Variants in DNASE2B observed in about 807,000 individuals in gnomAD.
The protein encoded by DNASE2B is deoxyribonuclease-2-beta.
DNASE2B carries 43 observed loss-of-function variants against 46.0 expected under a neutral mutation model. The ratio of observed to expected loss-of-function variants is 0.94; its 90% CI spans 0.73 to 1.21. DNASE2B has a LOEUF of 1.21. Among genes scored for constraint, DNASE2B ranks in the 50% most tolerant of loss-of-function variants. The probability of loss-of-function intolerance (pLI) is 0.00; values close to 1 mark genes in which losing one functional copy is unlikely to be tolerated. For missense variants in DNASE2B, 395 were observed against 414.4 expected (o/e 0.95, Z 0.41); for synonymous variants, 156 against 152.5 (o/e 1.02, Z -0.17).
At chr1:84,399,896 G>A (rs1048159445) in intron 1 of DNASE2B, among the ~76,000 whole-genome samples, 4 of 152,158 alleles carry the variant, frequency 2.6e-5, no homozygotes, top group African/African-American at 9.7e-5. Context: ...TATGAGGGCT[G>A]GATGGATGGG....
intron 2 of DNASE2B, among the ~76,000 whole-genome samples, chr1:84,404,594 T>C (rs1175808181): frequency 2.0e-5 from 3 of 152,146 alleles, no homozygotes; most frequent in Non-Finnish European, 4.4e-5. Context: ...GACATTATGT[T>C]TGGGGGCAGG....
chr1:84,401,775 A>C, intron 1 of DNASE2B, 126 bp from the exon 2 acceptor site: 1 of 687,150 alleles, frequency 1.5e-6, no homozygotes, highest in Non-Finnish European at 2.3e-6. Flanking sequence ...GAGCTTGAGC[A>C]AATCCCTTTC....
rs1305749229 is a variant in DNASE2B, at chr1:84,412,440, C to T, written c.639C>T (p.Cys213=). The T allele has an allele frequency of 6.2e-7, 1 of 1,613,944 alleles. No homozygotes were observed. The highest frequency in any genetic ancestry group is 2.2e-5 in the East Asian group (1 of 44,872). ...HQELIHMPQL[C]TRASSSEIPG... ...AGCTCATTCACATGCCCCAGCTGTG[C>T]ACCAGGGCCAGCTCATCAGAGATTC... The change falls in exon 5 of 6, where the codon TGC becomes TGT. Residue 213 remains cysteine (C), a synonymous_variant. Transcript: ENST00000370665.
chr1:84,409,595 A>G (rs1680552984), intron 3 of DNASE2B, among the ~76,000 whole-genome samples: 1 of 152,200 alleles, frequency 6.6e-6, no homozygotes, highest in Non-Finnish European at 1.5e-5. Flanking sequence ...ATGAACTTTG[A>G]AAGCTTTTTA....
intron 3 of DNASE2B, 102 bp downstream of exon 3, chr1:84,408,620 T>C: frequency 1.1e-6 from 1 of 870,286 alleles, no homozygotes; most frequent in Non-Finnish European, 1.6e-6. Flanking sequence ...TAGATAGCCT[T>C]TCTTCTTAAT....
At chr1:84,410,549 T>C (rs1312086026) in intron 3 of DNASE2B, among the ~76,000 whole-genome samples, 1 of 152,232 alleles carries the variant, frequency 6.6e-6, no homozygotes, top group Non-Finnish European at 1.5e-5. Context: ...ATTTGCATTC[T>C]GCCAAAACAA....
chr1:84,414,552 AACGGCTG>A lies in DNASE2B; in HGVS notation c.772_778del (p.Leu259HisfsTer4). On this transcript the variant is annotated frameshift_variant, in exon 6 of 6. Transcript: ENST00000370665. LOFTEE classifies it high-confidence loss of function. The stretch of plus-strand genomic sequence containing the variant: ...GACATCTTTGCAGCCTGGATGGCTC[AACGGCTG>A]AAGACACACTTGTTAACAGAAACCT... 2 of 1,612,364 alleles carry A rather than the reference AACGGCTG, an allele frequency of 1.2e-6. No homozygotes were observed. Among genetic ancestry groups the A allele is most frequent in the Non-Finnish European group, 1.7e-6 (2 of 1,179,192 alleles).
chr1:84,400,429 T>A (rs1197487523), intron 1 of DNASE2B, among the ~76,000 whole-genome samples: 1 of 152,170 alleles, frequency 6.6e-6, no homozygotes. Flanking sequence ...GGCTTCTGCT[T>A]CTGAGACTGC....
At chr1:84,406,142 T>C (rs2104210) in intron 2 of DNASE2B, among the ~76,000 whole-genome samples, 60,472 of 151,774 alleles carry the variant, frequency 0.4, 12,283 homozygotes, top group Middle Eastern at 0.46. Context: ...CCTGCATACA[T>C]ATAGACCCAT....
chr1:84,406,056 G>A (rs1293391274), intron 2 of DNASE2B, among the ~76,000 whole-genome samples: 1 of 151,128 alleles, frequency 6.6e-6, no homozygotes, highest in Non-Finnish European at 1.5e-5. Flanking sequence ...TCTAGGCTAT[G>A]TGGTTCATCT....
intron 1 of DNASE2B, among the ~76,000 whole-genome samples, chr1:84,400,255 C>G (rs2101846323): frequency 6.6e-6 from 1 of 152,194 alleles, no homozygotes; most frequent in South Asian, 2.1e-4. Context: ...GTAATCCCAG[C>G]TACATGGGAG....
chr1:84,410,754 G>A, intron 3 of DNASE2B, 84 bp from the exon 4 acceptor site: 1 of 1,318,002 alleles, frequency 7.6e-7, no homozygotes, highest in East Asian at 2.5e-5. Context: ...AAGCATAAAT[G>A]GGCTTAAATG....
chr1:84,403,370 A>AT, intron 2 of DNASE2B, among the ~76,000 whole-genome samples: 1 of 151,982 alleles, frequency 6.6e-6, no homozygotes, highest in East Asian at 1.9e-4. Flanking sequence ...TATATATCTT[A>AT]TATACTATAT....
intron 3 of DNASE2B, 95 bp downstream of exon 3, chr1:84,408,613 A>G (rs1189632370): frequency 1.0e-6 from 1 of 998,382 alleles, no homozygotes; most frequent in African/African-American, 1.7e-5. Context: ...TACTAAATAG[A>G]TAGCCTTTCT....
chr1:84,410,948 G>A lies in DNASE2B; in HGVS notation c.496G>A (p.Gly166Arg), dbSNP rs1558502926. 2 of 1,612,756 alleles carry A rather than the reference G, an allele frequency of 1.2e-6. No homozygotes were observed. The highest frequency in any genetic ancestry group is 3.3e-5 in the Admixed American group (2 of 59,820). Residue 166 changes from glycine (G) to arginine (R), a missense_variant, in exon 4 of 6, where the codon GGA (glycine) becomes AGA (arginine). Gly to Arg is a moderately radical substitution (Grantham distance 125, BLOSUM62 -2). Coordinates refer to ENST00000370665, the MANE Select transcript of DNASE2B (RefSeq NM_021233.3). ...YDYPPTGRRN[G>R]QSGICITFKY... ...TTATCCACCCACAGGGAGACGAAATGGACAAAGTGGCATCTGCATAACTTT... is the reference window on the plus strand; with the variant it reads ...TTATCCACCCACAGGGAGACGAAATAGACAAAGTGGCATCTGCATAACTTT...
At chr1:84,398,832 C>T in intron 1 of DNASE2B, 143 bp downstream of exon 1, 2 of 1,290,268 alleles carry the variant, frequency 1.6e-6, no homozygotes, top group Non-Finnish European at 2.1e-6. Context: ...GCAAATCGGC[C>T]AAACTCCCAG....
At chr1:84,398,859 G>A (rs892183897) in intron 1 of DNASE2B, among the ~76,000 whole-genome samples, 170 bp downstream of exon 1, 1 of 152,186 alleles carries the variant, frequency 6.6e-6, no homozygotes, top group African/African-American at 2.4e-5. Flanking sequence ...GTAGGCTTCT[G>A]AGTGACGGAG....
In DNASE2B at chr1:84,410,951, C is replaced by G; in HGVS notation, c.499C>G (p.Gln167Glu). The part of the protein sequence containing the change: ...DYPPTGRRNG[Q>E]SGICITFKYN... ...TCCACCCACAGGGAGACGAAATGGA[C>G]AAAGTGGCATCTGCATAACTTTCAA... Residue 167 changes from glutamine to glutamate, a missense_variant, in exon 4 of 6, where the codon CAA (glutamine) becomes GAA (glutamate). Physicochemically the swap from Gln to Glu is conservative, Grantham distance 29. Coordinates refer to ENST00000370665, the MANE Select transcript of DNASE2B (RefSeq NM_021233.3). 1 of 1,612,536 alleles carries G rather than the reference C, an allele frequency of 6.2e-7. No homozygotes were observed. The highest frequency in any genetic ancestry group is 1.1e-5 in the South Asian group (1 of 90,660).
intron 5 of DNASE2B, 29 bp downstream of exon 5, chr1:84,412,575 C>T (rs1558504504): frequency 1.9e-6 from 3 of 1,543,880 alleles, no homozygotes; most frequent in African/African-American, 1.4e-5. Flanking sequence ...AAACAACATG[C>T]TGTATAATTC....
Sources: gnomAD v4.1 joint callset for allele counts (sites outside exome capture counted in the v4.1 genomes callset) on GRCh38, gnomAD v4.1.1 for gene constraint, MANE v1.5 for transcripts, NCBI Gene and HGNC (gene_info 2026-07-23, HGNC 2026-07-21) for gene names.